DMD: variants seen among roughly 807,000 people sequenced by gnomAD.
DMD encodes dystrophin.
Under a neutral mutation model 330.1 loss-of-function variants are expected in DMD, and 63 were observed. The ratio of observed to expected loss-of-function variants is 0.19; its 90% confidence interval spans 0.16 to 0.24. The LOEUF (loss-of-function observed/expected upper bound fraction) is 0.24, where lower values mean the gene tolerates loss of function less well. DMD is among the 10% of genes least tolerant of loss of function. DMD has a pLI of 1.00. For missense variants in DMD, 3,344 were observed against 2,684.1 expected (o/e 1.25, Z -5.43); for synonymous variants, 1,223 against 959.8 (o/e 1.27, Z -5.07).
In DMD at chrX:32,314,257, T is replaced by C. The variant is rs1417815452; in HGVS notation, c.5923-3981A>G. Among the ~76,000 whole-genome samples, 4 of 111,577 alleles carry C rather than the reference T, an allele frequency of 3.6e-5. No individual in the cohort carries two copies. In the East Asian group the frequency reaches 8.5e-4, roughly 24 times the overall value. ...AAATATCACCACACATCTACAACCA[T>C]CTGATCTTTGACAAACCTGACAAAA... On this transcript the variant is annotated intron_variant, in intron 41 of 78. Coordinates refer to ENST00000357033, the MANE Select transcript of DMD (RefSeq NM_004006.3).
At chrX:31,413,227 C>T (rs781629072) in intron 60 of DMD, among the ~76,000 whole-genome samples, 57 of 111,767 alleles carry the variant, frequency 5.1e-4, no homozygotes, top group African/African-American at 1.8e-3. Context: ...TAAGCCACAC[C>T]AGATCATACT....
intron 7 of DMD, among the ~76,000 whole-genome samples, chrX:32,775,361 C>A (rs762338065): frequency 8.9e-6 from 1 of 112,684 alleles, no homozygotes; most frequent in Non-Finnish European, 1.9e-5. Flanking sequence ...GGGCTCCAAC[C>A]CCACATTTCC....
At chrX:32,650,798 A>G (rs761144159) in intron 9 of DMD, among the ~76,000 whole-genome samples, 3 of 112,217 alleles carry the variant, frequency 2.7e-5, no homozygotes, top group African/African-American at 6.5e-5. Flanking sequence ...GCAACAATCA[A>G]CAACAAATAC....
intron 44 of DMD, among the ~76,000 whole-genome samples, chrX:32,033,546 T>C (rs2095903490): frequency 9.5e-6 from 1 of 105,262 alleles, no homozygotes; most frequent in Non-Finnish European, 1.9e-5. Context: ...TTTTCCAAAT[T>C]CCTTGCCAGG....
At chrX:32,709,458 A>C (rs57007506) in intron 7 of DMD, among the ~76,000 whole-genome samples, 5,016 of 111,662 alleles carry the variant, frequency 0.045, 291 homozygotes, top group African/African-American at 0.15. Flanking sequence ...ATAGAATTTG[A>C]TGTATGTGTT....
At chrX:32,125,962 A>G in intron 44 of DMD, among the ~76,000 whole-genome samples, 1 of 112,277 alleles carries the variant, frequency 8.9e-6, no homozygotes, top group Middle Eastern at 4.6e-3. Context: ...TCCCAGATCT[A>G]CTGAATCAGA....
chrX:32,787,631 T>C, intron 7 of DMD, among the ~76,000 whole-genome samples: 1 of 111,393 alleles, frequency 9.0e-6, no homozygotes, highest in Non-Finnish European at 1.9e-5. Flanking sequence ...TAATAACTAA[T>C]AGAACAATTA....
At chrX:32,922,175 AT>A (rs772925727) in intron 2 of DMD, among the ~76,000 whole-genome samples, 6,040 of 98,078 alleles carry the variant, frequency 0.062, 148 homozygotes, top group African/African-American at 0.097. Context: ...CCCTGACATG[AT>A]TTTTTTTTTT....
At chrX:31,175,519 T>C (rs890173761) in intron 71 of DMD, among the ~76,000 whole-genome samples, 1 of 110,947 alleles carries the variant, frequency 9.0e-6, no homozygotes, top group African/African-American at 3.3e-5. Context: ...AAGAGACATT[T>C]ATTAAACCAG....
At chrX:32,457,481 T>G (rs541789025) in intron 25 of DMD, among the ~76,000 whole-genome samples, 1 of 110,607 alleles carries the variant, frequency 9.0e-6, no homozygotes, top group Non-Finnish European at 1.9e-5. Context: ...GTGGAGAAGA[T>G]GTAGGAGGTA....
At chrX:33,031,343 C>G (rs2094109364) in intron 1 of DMD, among the ~76,000 whole-genome samples, 1 of 111,157 alleles carries the variant, frequency 9.0e-6, no homozygotes, top group Non-Finnish European at 1.9e-5. Context: ...TAAGCATGCC[C>G]TGTAGGGCTC....
chrX:31,996,474 T>G (rs2095587248), intron 44 of DMD, among the ~76,000 whole-genome samples: 1 of 111,802 alleles, frequency 8.9e-6, no homozygotes, highest in Middle Eastern at 4.6e-3. Context: ...ACACCCTTCC[T>G]AAGTTGTGAG....
At chrX:33,116,760 C>T (rs962675644) in intron 1 of DMD, among the ~76,000 whole-genome samples, 1 of 110,635 alleles carries the variant, frequency 9.0e-6, no homozygotes, top group Non-Finnish European at 1.9e-5. Context: ...GCTTTAGAAC[C>T]AAAAGTCGAT....
rs1351737279 is a variant in DMD, at chrX:32,343,248, A to G, written c.5625T>C (p.Ile1875=). 8.3e-7 allele frequency: 1 copy of G among 1,208,961 alleles called. No individual in the cohort carries two copies. Among genetic ancestry groups the G allele is most frequent in the South Asian group, 1.8e-5 (1 of 56,858 alleles). ...RSQRRKKALE[I]SHQWYQYKRQ... is the part of the protein sequence containing the mutation. ...TCTTGTACTGATACCACTGATGAGA[A>G]ATTTCTAGAGCCTTTTTTCTTCTTT... Residue 1875 remains isoleucine, a synonymous_variant, in exon 40 of 79, where the codon ATT becomes ATC. Transcript: ENST00000357033.
Position 32,640,238 on chromosome X carries a change from A to G in DMD, c.1331+3894T>C, listed in dbSNP as rs754514623. 3.7e-5 allele frequency among the ~76,000 whole-genome samples: 4 copies of G among 108,682 alleles called. No homozygotes were observed. In the South Asian group the frequency reaches 1.2e-3, roughly 33 times the overall value. 94.4% of individuals were successfully genotyped at this position (108,682 alleles called of 115,157 possible). ...TTATCTTTCTTCACATTTTATAATAATTTTGCATTCACAAACTAACTTTTT... is the reference window on the plus strand; with the variant it reads ...TTATCTTTCTTCACATTTTATAATAGTTTTGCATTCACAAACTAACTTTTT... On this transcript the variant is annotated intron_variant, in intron 11 of 78. Transcript: ENST00000357033.
chrX:31,511,579 G>A (rs1268199546), intron 55 of DMD, among the ~76,000 whole-genome samples: 5 of 102,506 alleles, frequency 4.9e-5, no homozygotes, highest in Middle Eastern at 5.1e-3. Context: ...GAGAATATGC[G>A]GTGTTTGGTG....
chrX:33,047,384 A>T (rs73188291), intron 1 of DMD, among the ~76,000 whole-genome samples: 7,784 of 111,427 alleles, frequency 0.07, 258 homozygotes, highest in African/African-American at 0.12. Context: ...CACTTTAAAC[A>T]CTGGTGCCTC....
chrX:32,546,240 G>C (rs1012118618), intron 16 of DMD, among the ~76,000 whole-genome samples: 2 of 105,874 alleles, frequency 1.9e-5, no homozygotes, highest in South Asian at 4.4e-4. Flanking sequence ...CTCTCATGAC[G>C]ATTGTAACGT....
chrX:32,483,810 C>A (rs1246999690), intron 21 of DMD, among the ~76,000 whole-genome samples: 22 of 41,775 alleles, frequency 5.3e-4, no homozygotes, highest in Non-Finnish European at 8.7e-4. Context: ...GCAAAAACGA[C>A]TCTGAAGTAC....
Sources: gnomAD v4.1 joint callset for allele counts (sites outside exome capture counted in the v4.1 genomes callset) on GRCh38, gnomAD v4.1.1 for gene constraint, MANE v1.5 for transcripts, NCBI Gene and HGNC (gene_info 2026-07-23, HGNC 2026-07-21) for gene names.